The following PTPRN2 variants were observed in gnomAD, a reference collection of about 807,000 sequenced individuals.
PTPRN2 encodes protein tyrosine phosphatase receptor type N2.
In PTPRN2, 74 loss-of-function variants were observed where a neutral mutation model predicts 118.8. The observed-to-expected ratio is 0.62, with a 90% CI of 0.52 to 0.76. The LOEUF is 0.76. Among genes scored for constraint, PTPRN2 ranks in the 30% least tolerant of loss-of-function variants. The pLI, the probability that PTPRN2 is intolerant of heterozygous loss-of-function variation, is 0.00. For missense variants in PTPRN2, 1,481 were observed against 1,394.4 expected (o/e 1.06, Z -0.99); for synonymous variants, 641 against 608.0 (o/e 1.05, Z -0.80).
rs201139485 is a variant in PTPRN2 at position 157,754,249 on chromosome 7, G to C, written c.1789-71312C>G. ...AGGCTGAGTCCGTGTGGGGAATGTG[G>C]CCTGTGCTGCTGCTCCTGTGGACTC... On this transcript the variant is annotated intron_variant, in intron 12 of 22. Transcript: ENST00000389418. 2.6e-5 allele frequency among the ~76,000 whole-genome samples: 4 copies of C among 152,374 alleles called. No individual in the cohort carries two copies. The East Asian group carries it at 7.7e-4, about 29-fold the overall frequency.
intron 2 of PTPRN2, among the ~76,000 whole-genome samples, chr7:158,390,357 G>A (rs4145755): frequency 0.89 from 136,113 of 152,246 alleles, 61,771 homozygotes; most frequent in East Asian, 0.97. Flanking sequence ...AGTCGCAGCC[G>A]AACCAATTTG....
chr7:158,153,408 C>T (rs188351260), intron 6 of PTPRN2, among the ~76,000 whole-genome samples: 44 of 152,264 alleles, frequency 2.9e-4, no homozygotes, highest in Middle Eastern at 3.4e-3. Context: ...ATTAAAGGAG[C>T]GAAACCAAAA....
chr7:157,651,997 G>C (rs577652302), intron 14 of PTPRN2, among the ~76,000 whole-genome samples: 33 of 152,322 alleles, frequency 2.2e-4, no homozygotes, highest in African/African-American at 7.7e-4. Flanking sequence ...CACCTTCCCT[G>C]CGCCTGGGAG....
chr7:158,366,189 C>T (rs751277707), intron 2 of PTPRN2, among the ~76,000 whole-genome samples: 18 of 144,038 alleles, frequency 1.2e-4, no homozygotes, highest in Non-Finnish European at 2.4e-4. Flanking sequence ...GCCCAATGCA[C>T]GTGTGCAAAT....
chr7:158,168,054 T>C (rs1378647736), intron 5 of PTPRN2, among the ~76,000 whole-genome samples: 2 of 152,252 alleles, frequency 1.3e-5, no homozygotes, highest in Non-Finnish European at 2.9e-5. Context: ...TTTAACTGAC[T>C]GAGGAACTCC....
chr7:157,843,740 G>A (rs1352232395), intron 12 of PTPRN2, among the ~76,000 whole-genome samples: 1 of 152,198 alleles, frequency 6.6e-6, no homozygotes, highest in African/African-American at 2.4e-5. Flanking sequence ...TGATACTTAC[G>A]GTTCTATGAT....
intron 2 of PTPRN2, among the ~76,000 whole-genome samples, chr7:158,341,592 CCGCAGACATCACTCA>C (rs1563178022): frequency 1.2e-4 from 12 of 101,714 alleles, no homozygotes; most frequent in African/African-American, 3.6e-4. Flanking sequence ...GAGGTGACAC[CCGCAGACATCACTCA>C]CACCCACACT....
intron 12 of PTPRN2, among the ~76,000 whole-genome samples, chr7:157,725,592 A>G (rs1260812375): frequency 7.1e-6 from 1 of 140,590 alleles, no homozygotes; most frequent in African/African-American, 2.7e-5. Flanking sequence ...GCCTCCCAGG[A>G]GAACTGGATA....
intron 2 of PTPRN2, among the ~76,000 whole-genome samples, chr7:158,334,374 G>C (rs1359536062): frequency 2.1e-5 from 1 of 47,376 alleles, no homozygotes; most frequent in African/African-American, 9.5e-5. Context: ...GACGCCCGCA[G>C]ATGTCACTCA....
At chr7:157,566,879 C>T (rs926934980) in intron 21 of PTPRN2, among the ~76,000 whole-genome samples, 1 of 152,366 alleles carries the variant, frequency 6.6e-6, no homozygotes, top group Non-Finnish European at 1.5e-5. Flanking sequence ...GGGTCACCTG[C>T]GTCCGGCCGC....
At chr7:158,248,668 CAT>C (rs1378380030) in intron 3 of PTPRN2, among the ~76,000 whole-genome samples, 1 of 146,850 alleles carries the variant, frequency 6.8e-6, no homozygotes, top group African/African-American at 2.5e-5. Context: ...CCACACAGCA[CAT>C]ATGTGCATAT....
chr7:158,433,204 C>T (rs1173610751), intron 2 of PTPRN2, among the ~76,000 whole-genome samples: 1 of 152,188 alleles, frequency 6.6e-6, no homozygotes, highest in African/African-American at 2.4e-5. Flanking sequence ...TGTGCATAGA[C>T]GTGTAAGTTA....
intron 14 of PTPRN2, among the ~76,000 whole-genome samples, chr7:157,635,923 T>C (rs1431250347): frequency 6.6e-6 from 1 of 152,246 alleles, no homozygotes; most frequent in Non-Finnish European, 1.5e-5. Flanking sequence ...TATAAAATAT[T>C]CATTCACTTT....
At chr7:158,277,373 G>A (rs1238670939) in intron 3 of PTPRN2, among the ~76,000 whole-genome samples, 1 of 152,208 alleles carries the variant, frequency 6.6e-6, no homozygotes, top group Admixed American at 6.5e-5. Flanking sequence ...GAAGACCACA[G>A]AGGAATGTGC....
At chr7:157,997,091 C>T (rs1034907037) in intron 11 of PTPRN2, among the ~76,000 whole-genome samples, 1 of 152,224 alleles carries the variant, frequency 6.6e-6, no homozygotes, top group African/African-American at 2.4e-5. Context: ...GGTCCCCTGA[C>T]GTGGGGTGTC....
Position 157,986,841 on chromosome 7 carries a change from C to T in PTPRN2, c.1724-88104G>A, listed in dbSNP as rs1371604919. ...GGTGCCCACCCACTGACAGGAGCTG[C>T]CGGTTTCTGACCCACTCCACCCCTC... is the stretch of plus-strand genomic sequence containing the variant. On this transcript the variant is annotated intron_variant, in intron 11 of 22. Transcript: ENST00000389418. This position sits in a 1 kb window ranked among gnomAD's most constrained non-coding sequence, Gnocchi z 4.5. 6.6e-6 allele frequency among the ~76,000 whole-genome samples: 1 copy of T among 152,106 alleles called. No individual in the cohort carries two copies. Among genetic ancestry groups the T allele is most frequent in the Non-Finnish European group, 1.5e-5 (1 of 68,004 alleles).
At chr7:158,194,640 C>T (rs1015529703) in intron 4 of PTPRN2, among the ~76,000 whole-genome samples, 4 of 152,240 alleles carry the variant, frequency 2.6e-5, no homozygotes, top group African/African-American at 9.6e-5. Context: ...CTGCTTCTCT[C>T]AGGCCAGGGA....
chr7:158,117,605 A>G (rs1816829886), intron 9 of PTPRN2, among the ~76,000 whole-genome samples: 1 of 152,232 alleles, frequency 6.6e-6, no homozygotes, highest in Admixed American at 6.5e-5. Context: ...TAACTCAGAG[A>G]CACATTTTAA....
chr7:158,083,596 C>G (rs1813012825), intron 10 of PTPRN2, among the ~76,000 whole-genome samples: 1 of 152,232 alleles, frequency 6.6e-6, no homozygotes, highest in Admixed American at 6.5e-5. Flanking sequence ...CCATACATGG[C>G]CCCGTATTTC....
Sources: allele counts gnomAD v4.1 joint callset (sites outside exome capture counted in the v4.1 genomes callset), GRCh38; gene constraint gnomAD v4.1.1; non-coding constraint Gnocchi (gnomAD v3.1); transcripts MANE v1.5; gene names NCBI Gene and HGNC (gene_info 2026-07-23, HGNC 2026-07-21).